Variants in MROH9 observed in about 807,000 individuals in gnomAD.
MROH9 encodes maestro heat like repeat family member 9.
Under a neutral mutation model 98.2 loss-of-function variants are expected in MROH9, and 92 were observed. The observed-to-expected ratio is 0.94, with a 90% CI of 0.79 to 1.11. MROH9 has a LOEUF of 1.11. MROH9 is among the 50% of genes most tolerant of loss of function. The pLI, the probability that MROH9 is intolerant of heterozygous loss-of-function variation, is 0.00. For missense variants in MROH9, 1,057 were observed against 1,014.8 expected, an observed-to-expected ratio of 1.04 and a Z score of -0.57; for synonymous variants, 397 against 368.9, an observed-to-expected ratio of 1.08 and a Z score of -0.87.
chr1:171,027,858 G>A lies in MROH9; in HGVS notation c.2281+2438G>A, dbSNP rs150787691. ...TTGGCATGTAAATGTCTTCTTTTCA[G>A]AAGTGTCTATTCATATCCTTTGCCC... On this transcript the variant is annotated intron_variant, in intron 20 of 21. Coordinates refer to ENST00000367759, the MANE Select transcript of MROH9 (RefSeq NM_001163629.2). Among the ~76,000 whole-genome samples, 737 of 152,264 alleles carry A rather than the reference G, an allele frequency of 4.8e-3. 3 individuals carry two copies. Among genetic ancestry groups the A allele is most frequent in the Middle Eastern group, 0.02 (6 of 294 alleles).
intron 20 of MROH9, among the ~76,000 whole-genome samples, chr1:171,038,911 T>C (rs1459014144): frequency 6.6e-6 from 1 of 152,144 alleles, no homozygotes; most frequent in Non-Finnish European, 1.5e-5. Flanking sequence ...TAGAAGTTTC[T>C]GGGATTCCAG....
rs1557890192 is a variant in MROH9, at chr1:170,995,550, T to A, written c.1337+19T>A. 1 of 1,612,072 alleles carries A rather than the reference T, an allele frequency of 6.2e-7. No individual in the cohort carries two copies. Among genetic ancestry groups the A allele is most frequent in the African/African-American group, 1.3e-5 (1 of 74,900 alleles). On this transcript the variant is annotated intron_variant, in intron 13 of 21. Coordinates refer to ENST00000367759, the MANE Select transcript of MROH9 (RefSeq NM_001163629.2). ...GGGCTTTGTGAGTTAAAACTGGTTA[T>A]TTCAGATTAAATAAGAGATAAGCGT...
chr1:171,056,264 T>C (rs147430125), intron 20 of MROH9, among the ~76,000 whole-genome samples: 125 of 152,298 alleles, frequency 8.2e-4, no homozygotes, highest in African/African-American at 2.8e-3. Flanking sequence ...AAGTGTGGCA[T>C]CCATCTCTAT....
At chr1:171,004,981 A>ATTTT (rs113441950) in intron 15 of MROH9, among the ~76,000 whole-genome samples, 1 of 147,588 alleles carries the variant, frequency 6.8e-6, no homozygotes, top group Non-Finnish European at 1.5e-5. Context: ...CACAAACCTT[A>ATTTT]TTTTTTTTTT....
chr1:171,049,888 C>T (rs1269132470), intron 20 of MROH9, among the ~76,000 whole-genome samples: 1 of 152,012 alleles, frequency 6.6e-6, no homozygotes, highest in African/African-American at 2.4e-5. Flanking sequence ...TGCCATGTTG[C>T]CTAGGCTGGT....
At chr1:170,969,389 C>G (rs1357297532) in intron 7 of MROH9, among the ~76,000 whole-genome samples, 1 of 152,060 alleles carries the variant, frequency 6.6e-6, no homozygotes, top group Non-Finnish European at 1.5e-5. Context: ...CTGTTACATT[C>G]CTATTCTGTT....
At chr1:171,012,571 C>T (rs975835512) in intron 15 of MROH9, among the ~76,000 whole-genome samples, 7 of 145,170 alleles carry the variant, frequency 4.8e-5, no homozygotes, top group Middle Eastern at 3.8e-3. Context: ...GGCTCGATCT[C>T]GGCTCACCGC....
chr1:170,937,010 G>A (rs1648911109), intron 1 of MROH9, among the ~76,000 whole-genome samples: 1 of 152,184 alleles, frequency 6.6e-6, no homozygotes, highest in Non-Finnish European at 1.5e-5. Context: ...TAGTGACCTT[G>A]CAGCTGCACA....
intron 20 of MROH9, among the ~76,000 whole-genome samples, chr1:171,051,995 T>A (rs1225420043): frequency 2.6e-5 from 4 of 152,148 alleles, no homozygotes; most frequent in Non-Finnish European, 2.9e-5. Flanking sequence ...TGCTTGTATG[T>A]CTAGTAGAAT....
chr1:171,004,348 C>T (rs1388678615), intron 15 of MROH9, among the ~76,000 whole-genome samples: 1 of 152,154 alleles, frequency 6.6e-6, no homozygotes, highest in African/African-American at 2.4e-5. Context: ...GCCCCTCTGG[C>T]CACCCTCCTG....
chr1:171,003,565 G>A (rs1301624414), intron 15 of MROH9, among the ~76,000 whole-genome samples: 1 of 152,200 alleles, frequency 6.6e-6, no homozygotes. Context: ...GGTACTGGGG[G>A]TTGTCTGCAC....
rs569734871 is a variant in MROH9, at chr1:170,959,416, T to C, written c.153-46T>C. The C allele has an allele frequency of 1.4e-5, 21 of 1,502,618 alleles. No homozygotes were observed. In the East Asian group the frequency reaches 4.4e-4, roughly 32 times the overall value. The allele number at this position is 1,502,618 out of a possible 1,614,324, so 93.1% of individuals were successfully genotyped here. On this transcript the variant is annotated intron_variant, in intron 4 of 21. Transcript: ENST00000367759. ...TAAATAAAGCCCACTAAATTTCTAT[T>C]ATATTTGTTTTCTCATCATTAATAA...
rs1652322091 is a variant in MROH9, at chr1:171,016,213, CAA to C, written c.1787_1788del (p.Lys596ArgfsTer3). ...TAGCCATCCTGGATGCCTTCCTTTC[CAA>C]AGACGATAATGTTGTACTTCAGGCC... The part of the protein sequence containing the change: ...LIAILDAFLS[K>X]DDNVVLQALL... On this transcript the variant is annotated frameshift_variant, in exon 17 of 22. Coordinates refer to ENST00000367759, the MANE Select transcript of MROH9 (RefSeq NM_001163629.2). LOFTEE classifies it high-confidence loss of function. The C allele has an allele frequency of 1.3e-6, 2 of 1,535,894 alleles. No homozygotes were observed. Among genetic ancestry groups the C allele is most frequent in the Admixed American group, 2.1e-5 (1 of 48,196 alleles).
At chr1:170,963,627 A>G (rs907253797) in intron 6 of MROH9, among the ~76,000 whole-genome samples, 1 of 152,188 alleles carries the variant, frequency 6.6e-6, no homozygotes, top group African/African-American at 2.4e-5. Flanking sequence ...TGTAGTACAC[A>G]TACACCATGG....
In MROH9 at chr1:170,959,813, C is replaced by T. The variant is rs146259633; in HGVS notation, c.288+216C>T. Among the ~76,000 whole-genome samples the T allele has an allele frequency of 1.2e-3, 176 of 152,070 alleles. 1 individual carries two copies. The highest frequency in any genetic ancestry group is 4.0e-3 in the African/African-American group (164 of 41,460). On this transcript the variant is annotated intron_variant, in intron 5 of 21. Transcript: ENST00000367759. ...TATAGGATTTGTAGGAGCAAATAGG[C>T]GAAGATATTTTTGGTTAATTGGTTT...
chr1:171,056,422 C>T (rs934307123), intron 20 of MROH9, among the ~76,000 whole-genome samples: 2 of 152,202 alleles, frequency 1.3e-5, no homozygotes, highest in Admixed American at 6.5e-5. Context: ...TCCTTCCTCA[C>T]TGGGTGGGGC....
intron 6 of MROH9, among the ~76,000 whole-genome samples, chr1:170,962,963 C>T (rs1482662563): frequency 6.6e-6 from 1 of 151,382 alleles, no homozygotes; most frequent in Non-Finnish European, 1.5e-5. Context: ...GCAAATGGGA[C>T]CAAAAGCAAA....
chr1:170,999,187 T>G (rs910054223), intron 15 of MROH9, among the ~76,000 whole-genome samples: 1 of 152,096 alleles, frequency 6.6e-6, no homozygotes, highest in Non-Finnish European at 1.5e-5. Flanking sequence ...CCCCATAAGT[T>G]ATTGGGGTAC....
intron 18 of MROH9, 21 bp downstream of exon 18, chr1:171,024,568 T>C (rs962019526): frequency 6.6e-7 from 1 of 1,523,036 alleles, no homozygotes. Context: ...TGATCTTCTT[T>C]TTCATAAATT....
Sources: gnomAD v4.1 joint callset for allele counts (sites outside exome capture counted in the v4.1 genomes callset) on GRCh38, gnomAD v4.1.1 for gene constraint, MANE v1.5 for transcripts, NCBI Gene and HGNC (gene_info 2026-07-23, HGNC 2026-07-21) for gene names.